Variants in FRMD5 observed in about 807,000 individuals in gnomAD.
The protein encoded by FRMD5 is FERM domain containing 5.
In FRMD5, 20 loss-of-function variants were observed where a neutral mutation model predicts 69.0. The observed-to-expected ratio is 0.29, with a 90% CI of 0.20 to 0.42. The LOEUF is 0.42. Ranked by LOEUF, FRMD5 falls within the 10% of genes least tolerant of loss-of-function variation. The pLI, the probability that FRMD5 is intolerant of heterozygous loss-of-function variation, is 1.00. For synonymous variants in FRMD5, 271 were observed against 260.1 expected, an observed-to-expected ratio of 1.04 and a Z score of -0.40; for missense variants, 595 against 708.6, an observed-to-expected ratio of 0.84 and a Z score of 1.82.
chr15:43,947,911 A>G (rs2089971481), intron 1 of FRMD5, among the ~76,000 whole-genome samples: 1 of 152,204 alleles, frequency 6.6e-6, no homozygotes, highest in South Asian at 2.1e-4. Flanking sequence ...GCAATTTTTA[A>G]TAACTATCCT....
chr15:43,989,654 C>T (rs372618400), intron 1 of FRMD5: 112 of 905,932 alleles, frequency 1.2e-4, no homozygotes, highest in Non-Finnish European at 1.6e-4. Flanking sequence ...CAGGCACACA[C>T]GCAGGATGGC....
chr15:44,051,922 G>A (rs1156702928), intron 1 of FRMD5, among the ~76,000 whole-genome samples: 1 of 151,806 alleles, frequency 6.6e-6, no homozygotes, highest in Non-Finnish European at 1.5e-5. Flanking sequence ...TGTTAATGCT[G>A]ATCTTCATTG....
chr15:44,133,453 G>A (rs957312147), intron 1 of FRMD5, among the ~76,000 whole-genome samples: 2 of 149,990 alleles, frequency 1.3e-5, no homozygotes, highest in African/African-American at 2.5e-5. Flanking sequence ...GCAGGTGCTT[G>A]TAGTCCCAGC....
intron 1 of FRMD5, among the ~76,000 whole-genome samples, chr15:43,961,294 G>C (rs1359809192): frequency 1.3e-5 from 2 of 152,270 alleles, no homozygotes; most frequent in East Asian, 3.9e-4. Context: ...AAATAAACTA[G>C]AAAATCTAGA....
At chr15:44,196,736 CTCTCTCTCTCTCTCTT>C (rs1463691353), upstream of FRMD5, among the ~76,000 whole-genome samples, 10 of 101,804 alleles carry the variant, frequency 9.8e-5, no homozygotes, top group Non-Finnish European at 1.6e-4. Context: ...CTTTCATTCT[CTCTCTCTCTCTCTCTT>C]TCTCTCTCTC....
intron 1 of FRMD5, among the ~76,000 whole-genome samples, chr15:44,067,066 C>T (rs1395638258): frequency 1.3e-5 from 2 of 151,952 alleles, no homozygotes; most frequent in East Asian, 3.9e-4. Flanking sequence ...TGGAGGTATT[C>T]ATTTTGAAAA....
intron 1 of FRMD5, among the ~76,000 whole-genome samples, chr15:44,092,947 T>C (rs1227677840): frequency 6.8e-6 from 1 of 147,196 alleles, no homozygotes; most frequent in Non-Finnish European, 1.5e-5. Context: ...TTTTTTTTTT[T>C]TTTGAGATGG....
chr15:44,087,316 C>T (rs555791657), intron 1 of FRMD5, among the ~76,000 whole-genome samples: 28 of 152,220 alleles, frequency 1.8e-4, no homozygotes, highest in South Asian at 6.2e-4. Context: ...CAACCGCGCC[C>T]GCCCAAGTTT....
intron 1 of FRMD5, among the ~76,000 whole-genome samples, chr15:43,944,648 A>G (rs1170065333): frequency 2.6e-5 from 4 of 151,388 alleles, no homozygotes; most frequent in Admixed American, 2.6e-4. Flanking sequence ...GGAGTGCAGT[A>G]GCATGATCTT....
At chr15:44,020,557 C>A (rs948925320) in intron 1 of FRMD5, among the ~76,000 whole-genome samples, 3 of 152,142 alleles carry the variant, frequency 2.0e-5, no homozygotes, top group Admixed American at 6.5e-5. Context: ...TATTTTTTAA[C>A]AACTAAGACA....
At chr15:43,880,683 C>G (rs2088500954) in intron 13 of FRMD5, among the ~76,000 whole-genome samples, 3 of 152,194 alleles carry the variant, frequency 2.0e-5, no homozygotes, top group Admixed American at 6.5e-5. Context: ...GGGGCCATGA[C>G]CAGGGCCACT....
chr15:44,042,481 A>C (rs530223942), intron 1 of FRMD5, among the ~76,000 whole-genome samples: 1 of 152,316 alleles, frequency 6.6e-6, no homozygotes, highest in Non-Finnish European at 1.5e-5. Flanking sequence ...ACCAAAAAAG[A>C]AAATTTTAGG....
chr15:44,190,105 A>G (rs2078169307), intron 1 of FRMD5, among the ~76,000 whole-genome samples: 1 of 152,330 alleles, frequency 6.6e-6, no homozygotes, highest in Admixed American at 6.5e-5. Context: ...AACAGAAGCT[A>G]TAAGGTTGCT....
chr15:44,166,700 T>C (rs1313345455), intron 1 of FRMD5, among the ~76,000 whole-genome samples: 2 of 149,922 alleles, frequency 1.3e-5, no homozygotes, highest in African/African-American at 4.9e-5. Context: ...AGGAGAATGG[T>C]TTAAACCCGG....
chr15:44,146,269 TGTTA>T (rs2077353924), intron 1 of FRMD5, among the ~76,000 whole-genome samples: 1 of 152,270 alleles, frequency 6.6e-6, no homozygotes, highest in South Asian at 2.1e-4. Context: ...TTTCTGTTCC[TGTTA>T]GTTTGCTGAG....
chr15:44,150,629 T>TC (rs2077429239), intron 1 of FRMD5, among the ~76,000 whole-genome samples: 1 of 151,360 alleles, frequency 6.6e-6, no homozygotes, highest in Non-Finnish European at 1.5e-5. Context: ...AAAATTCTTT[T>TC]TTTTTTTTTT....
chr15:44,092,391 T>TA (rs1157904859), intron 1 of FRMD5, among the ~76,000 whole-genome samples: 1 of 152,220 alleles, frequency 6.6e-6, no homozygotes, highest in Non-Finnish European at 1.5e-5. Flanking sequence ...GTTGCTAAGA[T>TA]ACAGCTGTGA....
At chr15:43,981,176 T>TCAACCTCCTGGC (rs1555390709) in intron 1 of FRMD5, among the ~76,000 whole-genome samples, 2 of 152,116 alleles carry the variant, frequency 1.3e-5, no homozygotes, top group Non-Finnish European at 2.9e-5. Flanking sequence ...GCCAGGCTGG[T>TCAACCTCCTGGC]CTCAACCTCC....
intron 1 of FRMD5, among the ~76,000 whole-genome samples, chr15:44,141,842 A>C (rs963845668): frequency 2.6e-5 from 4 of 152,310 alleles, no homozygotes; most frequent in Non-Finnish European, 5.9e-5. Flanking sequence ...TGGAATGATG[A>C]ACATTGCACT....
Sources: allele counts gnomAD v4.1 joint callset (sites outside exome capture counted in the v4.1 genomes callset), GRCh38; gene constraint gnomAD v4.1.1; transcripts MANE v1.5; gene names NCBI Gene and HGNC (gene_info 2026-07-23, HGNC 2026-07-21).